The following SMAD2 variants were observed in gnomAD, a reference collection of about 807,000 sequenced individuals.
SMAD2 encodes SMAD family member 2.
Under a neutral mutation model 64.4 loss-of-function variants are expected in SMAD2, and 8 were observed. The observed-to-expected ratio is 0.12, with a 90% CI of 0.07 to 0.22. The LOEUF (loss-of-function observed/expected upper bound fraction) is 0.22, where lower values mean the gene tolerates loss of function less well. Among genes scored for constraint, SMAD2 ranks in the 10% least tolerant of loss-of-function variants. The pLI is 1.00. For missense variants in SMAD2, 289 were observed against 561.2 expected (o/e 0.51, Z 4.90); for synonymous variants, 203 against 195.8 (o/e 1.04, Z -0.31).
At chr18:47,901,496 C>T (rs1392703369) in intron 1 of SMAD2, among the ~76,000 whole-genome samples, 7 of 151,914 alleles carry the variant, frequency 4.6e-5, no homozygotes, top group Non-Finnish European at 8.8e-5. Flanking sequence ...TAGTTGCCTG[C>T]TTGTTTTATA....
chr18:47,908,337 A>C (rs1002665401), intron 1 of SMAD2, among the ~76,000 whole-genome samples: 4 of 152,198 alleles, frequency 2.6e-5, no homozygotes, highest in African/African-American at 9.7e-5. Context: ...TATATAATTG[A>C]CCCGTGGACA....
intron 2 of SMAD2, among the ~76,000 whole-genome samples, chr18:47,887,445 G>A (rs2032970336): frequency 6.6e-6 from 1 of 152,026 alleles, no homozygotes; most frequent in Non-Finnish European, 1.5e-5. Flanking sequence ...AATGTGTGAT[G>A]GAGTCCTGTG....
At position 47,821,078 on chromosome 18, in the gene SMAD2, G is replaced by A. The variant is rs889608242; in HGVS notation, c.*20749C>T. Reference sequence around the variant, plus strand: ...TTAAATTTCTGCCATATTTCCTTCTGAGATCCGTTTAATTTCCCCTAGATT... The same window carrying A: ...TTAAATTTCTGCCATATTTCCTTCTAAGATCCGTTTAATTTCCCCTAGATT... On this transcript the variant is annotated 3_prime_UTR_variant, in exon 11 of 11. Coordinates refer to ENST00000262160, the MANE Select transcript of SMAD2 (RefSeq NM_005901.6). 6.6e-6 allele frequency: 1 copy of A among 151,976 alleles called. No homozygotes were observed. Among genetic ancestry groups the A allele is most frequent in the Non-Finnish European group, 1.5e-5 (1 of 67,962 alleles). 9.4% of individuals were successfully genotyped at this position (151,976 alleles called of 1,614,324 possible). A position where few individuals can be genotyped will look rare whatever the true frequency, so the allele number is the denominator to read the frequency against.
chr18:47,909,310 T>A (rs2034028255), intron 1 of SMAD2, among the ~76,000 whole-genome samples: 1 of 152,120 alleles, frequency 6.6e-6, no homozygotes, highest in South Asian at 2.1e-4. Flanking sequence ...GCTGGAAAAT[T>A]TAATGAAATC....
chr18:47,878,796 A>G lies in SMAD2; in HGVS notation c.237-8232T>C, dbSNP rs139801826. The stretch of plus-strand genomic sequence containing the variant: ...TGATAAAAAATTTCAAACATCCATT[A>G]AAGTTACGAGTAAGCACCCTACACA... On this transcript the variant is annotated intron_variant, in intron 2 of 10. Transcript: ENST00000262160. Among the ~76,000 whole-genome samples the G allele has an allele frequency of 3.2e-3, 485 of 152,314 alleles. 2 individuals carry two copies. The highest frequency in any genetic ancestry group is 0.011 in the African/African-American group (469 of 41,570).
At chr18:47,907,174 T>A (rs2033938404) in intron 1 of SMAD2, among the ~76,000 whole-genome samples, 2 of 152,150 alleles carry the variant, frequency 1.3e-5, no homozygotes, top group South Asian at 4.1e-4. Context: ...CTACCCTGTA[T>A]CACACATTCA....
rs1239503802 is a variant in SMAD2 at position 47,839,480 on chromosome 18, G to A, written c.*2347C>T. The A allele has an allele frequency of 4.3e-6, 1 of 233,274 alleles. No homozygotes were observed. The highest frequency in any genetic ancestry group is 8.5e-6 in the Non-Finnish European group (1 of 118,100). The allele number at this position is 233,274 out of a possible 1,614,324, so 14.5% of individuals were successfully genotyped here. On this transcript the variant is annotated 3_prime_UTR_variant, in exon 11 of 11. Coordinates refer to ENST00000262160, the MANE Select transcript of SMAD2 (RefSeq NM_005901.6). ...TGGGTAGTGGAAGACATAATTACTG[G>A]ACAGCACAAAGTCTGGAAGCAAGCA...
At chr18:47,842,341 A>G (rs986290805) in intron 10 of SMAD2, among the ~76,000 whole-genome samples, 2 of 152,244 alleles carry the variant, frequency 1.3e-5, no homozygotes, top group East Asian at 3.9e-4. Flanking sequence ...AGAGATTGAG[A>G]CCATCCTGGC....
intron 8 of SMAD2, among the ~76,000 whole-genome samples, chr18:47,847,357 G>T (rs906006819): frequency 4.6e-5 from 7 of 152,010 alleles, no homozygotes; most frequent in African/African-American, 1.7e-4. Context: ...CTTCTCACAG[G>T]AGGTAATGGT....
chr18:47,865,121 G>A lies in SMAD2; in HGVS notation c.668C>T (p.Pro223Leu). ...QSNYIPETPP[P>L]GYISEDGETS... ...TTCTCCATCTTCACTGATATATCCA[G>A]GAGGTGGCGTTTCTACAAAAGTTTA... The change falls in exon 6 of 11, where the codon CCT becomes CTT. Residue 223 changes from proline (P) to leucine (L), a missense_variant. Pro to Leu is a moderately conservative substitution (Grantham distance 98). Around this residue, in one of 6 missense-constraint regions of SMAD2, gnomAD observed 119 missense variants for 156.7 expected, o/e 0.76. Coordinates refer to ENST00000262160, the MANE Select transcript of SMAD2 (RefSeq NM_005901.6). The A allele has an allele frequency of 6.2e-7, 1 of 1,606,884 alleles. No homozygotes were observed. Among genetic ancestry groups the A allele is most frequent in the Non-Finnish European group, 8.5e-7 (1 of 1,173,726 alleles).
intron 1 of SMAD2, among the ~76,000 whole-genome samples, chr18:47,912,848 G>A (rs1347068736): frequency 1.2e-5 from 1 of 82,046 alleles, no homozygotes; most frequent in African/African-American, 5.1e-5. Flanking sequence ...TGAAACTTCT[G>A]TATAAACAGC....
At chr18:47,926,977 A>C (rs2034792065) in intron 1 of SMAD2, among the ~76,000 whole-genome samples, 1 of 152,194 alleles carries the variant, frequency 6.6e-6, no homozygotes, top group African/African-American at 2.4e-5. Flanking sequence ...GTAACTGAGA[A>C]ACAAAATATT....
chr18:47,826,042 G>A lies in SMAD2; in HGVS notation c.*15785C>T, dbSNP rs117602428. The A allele has an allele frequency of 7.2e-5, 11 of 152,338 alleles. No individual in the cohort carries two copies. The highest frequency in any genetic ancestry group is 1.0e-4 in the Non-Finnish European group (7 of 68,038). The allele number at this position is 152,338 out of a possible 1,614,324, so 9.4% of individuals were successfully genotyped here. A position where few individuals can be genotyped will look rare whatever the true frequency, so the allele number is the denominator to read the frequency against. ...TAGTGCTGTACAGGATAGGCTCAGC[G>A]TTTGGAGAGTGTTAACTTCCAGTCA... On this transcript the variant is annotated 3_prime_UTR_variant, in exon 11 of 11. Coordinates refer to ENST00000262160, the MANE Select transcript of SMAD2 (RefSeq NM_005901.6).
At position 47,827,010 on chromosome 18, in the gene SMAD2, T is replaced by C. The variant is rs1380550693; in HGVS notation, c.*14817A>G. Reference sequence around the variant, plus strand: ...AAAGATTTATCTAAAGTCACATAAATTGGCACAATCAGGGTCCAAACCCCA... The same window carrying C: ...AAAGATTTATCTAAAGTCACATAAACTGGCACAATCAGGGTCCAAACCCCA... On this transcript the variant is annotated 3_prime_UTR_variant, in exon 11 of 11. Coordinates refer to ENST00000262160, the MANE Select transcript of SMAD2 (RefSeq NM_005901.6). The C allele has an allele frequency of 6.6e-6, 1 of 152,216 alleles. No homozygotes were observed. The highest frequency in any genetic ancestry group is 2.4e-5 in the African/African-American group (1 of 41,454). 9.4% of individuals were successfully genotyped at this position (152,216 alleles called of 1,614,324 possible). A position where few individuals can be genotyped will look rare whatever the true frequency, so the allele number is the denominator to read the frequency against.
rs1017873372 is a variant in SMAD2, at chr18:47,831,798, C to T, written c.*10029G>A. ...ATTTGTTTTACAAAATCAGTTAAAC[C>T]AATTCTACAAATATTTCCATACCTA... On this transcript the variant is annotated 3_prime_UTR_variant, in exon 11 of 11. Transcript: ENST00000262160. The T allele has an allele frequency of 1.6e-4, 24 of 152,162 alleles. No individual in the cohort carries two copies. Among genetic ancestry groups the T allele is most frequent in the African/African-American group, 5.6e-4 (23 of 41,436 alleles). 9.4% of individuals were successfully genotyped at this position (152,162 alleles called of 1,614,324 possible).
intron 1 of SMAD2, among the ~76,000 whole-genome samples, chr18:47,909,555 C>A (rs2034039114): frequency 6.6e-6 from 1 of 152,156 alleles, no homozygotes; most frequent in South Asian, 2.1e-4. Flanking sequence ...AGCACCAGAT[C>A]TGAGGTAGGA....
intron 1 of SMAD2, among the ~76,000 whole-genome samples, chr18:47,921,173 A>ACACC (rs1271131672): frequency 6.6e-6 from 1 of 152,156 alleles, no homozygotes; most frequent in Non-Finnish European, 1.5e-5. Flanking sequence ...AAATTTACAG[A>ACACC]CACCCATACA....
intron 1 of SMAD2, among the ~76,000 whole-genome samples, chr18:47,911,133 C>CATTTGAGAGGCA (rs2034115632): frequency 6.6e-6 from 1 of 151,998 alleles, no homozygotes; most frequent in Non-Finnish European, 1.5e-5. Flanking sequence ...GGTTGGATCA[C>CATTTGAGAGGCA]GAGGTCAGGC....
At chr18:47,859,854 CTAACATTATAAATTTTA>C (rs1024601195) in intron 6 of SMAD2, among the ~76,000 whole-genome samples, 2 of 152,178 alleles carry the variant, frequency 1.3e-5, no homozygotes, top group Non-Finnish European at 2.9e-5. Context: ...AGTCAAATTA[CTAACATTATAAATTTTA>C]AAATGGATCT....
Sources: allele counts gnomAD v4.1 joint callset (sites outside exome capture counted in the v4.1 genomes callset), GRCh38; gene constraint gnomAD v4.1.1; regional missense constraint gnomAD v4.1.1; transcripts MANE v1.5; gene names NCBI Gene and HGNC (gene_info 2026-07-23, HGNC 2026-07-21).